The following PTH2R variants were observed in gnomAD, a reference collection of about 807,000 sequenced individuals.
The protein encoded by PTH2R is PTH2 receptor.
Under a neutral mutation model 60.3 loss-of-function variants are expected in PTH2R, and 59 were observed. That is an observed-to-expected ratio of 0.98 (90% CI 0.79 to 1.22). The LOEUF (loss-of-function observed/expected upper bound fraction) is 1.22, where lower values mean the gene tolerates loss of function less well. Ranked by LOEUF, PTH2R falls within the 50% of genes most tolerant of loss-of-function variation. The pLI is 0.00. For missense variants in PTH2R, 749 were observed against 682.6 expected, an observed-to-expected ratio of 1.10 and a Z score of -1.08; for synonymous variants, 256 against 243.8, an observed-to-expected ratio of 1.05 and a Z score of -0.47.
chr2:208,454,707 A>G (rs1032951474), intron 8 of PTH2R, among the ~76,000 whole-genome samples: 1 of 152,258 alleles, frequency 6.6e-6, no homozygotes, highest in Non-Finnish European at 1.5e-5. Flanking sequence ...GCTTTAACCT[A>G]TATATGCAGT....
chr2:208,422,658 T>G (rs901467941), intron 1 of PTH2R, among the ~76,000 whole-genome samples: 1 of 152,162 alleles, frequency 6.6e-6, no homozygotes, highest in African/African-American at 2.4e-5. Flanking sequence ...GAAGAATGCT[T>G]CTTTTTTTAA....
intron 9 of PTH2R, among the ~76,000 whole-genome samples, chr2:208,461,940 T>A (rs1469596798): frequency 6.6e-6 from 1 of 152,256 alleles, no homozygotes; most frequent in Non-Finnish European, 1.5e-5. Context: ...AGAAAATTAA[T>A]GTAGAAGGCC....
Position 208,443,538 on chromosome 2 carries a change from G to GT in PTH2R, c.699+2dup. 6.3e-7 allele frequency: 1 copy of GT among 1,592,454 alleles called. No homozygotes were observed. Among genetic ancestry groups the GT allele is most frequent in the Non-Finnish European group, 8.5e-7 (1 of 1,171,166 alleles). On this transcript the variant is annotated splice_donor_variant, in intron 6 of 12. Transcript: ENST00000272847. LOFTEE classifies it high-confidence loss of function. Reference sequence around the variant, plus strand: ...AACTTCTGTGGACAAATCACAATATGTAAGTGTTTTCACCATTTTCTCTCA... The same window carrying GT: ...AACTTCTGTGGACAAATCACAATATGTTAAGTGTTTTCACCATTTTCTCTCA...
At chr2:208,443,632 A>T in intron 6 of PTH2R, 95 bp downstream of exon 6, 1 of 1,088,870 alleles carries the variant, frequency 9.2e-7, no homozygotes, top group Non-Finnish European at 1.3e-6. Context: ...ACTTGCTTTT[A>T]CTTATCTCTG....
chr2:208,445,326 C>T (rs1559222587), intron 7 of PTH2R, among the ~76,000 whole-genome samples: 1 of 152,182 alleles, frequency 6.6e-6, no homozygotes, highest in South Asian at 2.1e-4. Context: ...GTAGGACCAT[C>T]CTGACTGTAT....
intron 1 of PTH2R, among the ~76,000 whole-genome samples, chr2:208,380,275 T>A (rs1476286806): frequency 6.6e-6 from 1 of 152,148 alleles, no homozygotes; most frequent in East Asian, 1.9e-4. Context: ...CAGCCCCAAG[T>A]GACAGGACAT....
intron 1 of PTH2R, among the ~76,000 whole-genome samples, chr2:208,373,840 G>GT (rs1700746195): frequency 6.6e-6 from 1 of 152,080 alleles, no homozygotes. Flanking sequence ...AGAATTTGTA[G>GT]TTTTGAGGTG....
chr2:208,391,698 G>A (rs1241891203), intron 1 of PTH2R, among the ~76,000 whole-genome samples: 1 of 152,144 alleles, frequency 6.6e-6, no homozygotes, highest in Non-Finnish European at 1.5e-5. Context: ...AATACTCTTA[G>A]TTGCTTGAGA....
intron 9 of PTH2R, among the ~76,000 whole-genome samples, chr2:208,480,164 C>A (rs1164349148): frequency 6.6e-6 from 1 of 152,204 alleles, no homozygotes; most frequent in Non-Finnish European, 1.5e-5. Flanking sequence ...AACCAAAATT[C>A]TCTAACTTCT....
chr2:208,380,706 G>C (rs12694111), intron 1 of PTH2R, among the ~76,000 whole-genome samples: 140,453 of 152,100 alleles, frequency 0.92, 65,559 homozygotes, highest in Non-Finnish European at 0.98. Flanking sequence ...TCTTTCTGCT[G>C]TCTTCACCCA....
chr2:208,491,044 A>G (rs1467544009), intron 12 of PTH2R, among the ~76,000 whole-genome samples: 2 of 152,144 alleles, frequency 1.3e-5, no homozygotes, highest in Non-Finnish European at 2.9e-5. Flanking sequence ...ATTCATTCAA[A>G]TATTTTGATG....
intron 6 of PTH2R, among the ~76,000 whole-genome samples, 154 bp from the exon 7 acceptor site, chr2:208,444,580 C>G (rs916517067): frequency 1.3e-5 from 2 of 152,036 alleles, no homozygotes; most frequent in African/African-American, 4.8e-5. Context: ...ATTAAAATAA[C>G]TGTTTTGGCC....
chr2:208,395,400 A>G (rs974672437), intron 1 of PTH2R, among the ~76,000 whole-genome samples: 2 of 152,114 alleles, frequency 1.3e-5, no homozygotes, highest in African/African-American at 4.8e-5. Context: ...TGAAAAAAAA[A>G]TGTGCCTCAT....
chr2:208,455,254 C>T (rs971028481), intron 8 of PTH2R, among the ~76,000 whole-genome samples: 1 of 152,140 alleles, frequency 6.6e-6, no homozygotes, highest in African/African-American at 2.4e-5. Context: ...TTAATGCTAT[C>T]ATGATCATAT....
chr2:208,456,581 T>G (rs991337558), intron 8 of PTH2R, among the ~76,000 whole-genome samples: 1 of 152,200 alleles, frequency 6.6e-6, no homozygotes, highest in Non-Finnish European at 1.5e-5. Context: ...TTACTGATTG[T>G]AAGTTGTGGA....
At chr2:208,368,571 C>T (rs1386736996) in intron 1 of PTH2R, among the ~76,000 whole-genome samples, 1 of 152,062 alleles carries the variant, frequency 6.6e-6, no homozygotes, top group Non-Finnish European at 1.5e-5. Flanking sequence ...CCAACACCTG[C>T]TTGTTCCAAT....
chr2:208,364,604 A>C (rs1700542549), intron 1 of PTH2R, among the ~76,000 whole-genome samples: 1 of 152,064 alleles, frequency 6.6e-6, no homozygotes, highest in African/African-American at 2.4e-5. Flanking sequence ...TCTTTATTCC[A>C]GTACCACACT....
At chr2:208,367,138 A>C (rs1700608218) in intron 1 of PTH2R, among the ~76,000 whole-genome samples, 1 of 151,816 alleles carries the variant, frequency 6.6e-6, no homozygotes, top group Admixed American at 6.6e-5. Context: ...TTGTTGCCCA[A>C]GTTGGAGTGC....
intron 1 of PTH2R, among the ~76,000 whole-genome samples, chr2:208,415,357 T>C (rs902995986): frequency 2.6e-5 from 4 of 152,334 alleles, no homozygotes; most frequent in Middle Eastern, 3.4e-3. Flanking sequence ...AAAATTTCAG[T>C]GTTCATAAAA....
Sources: gnomAD v4.1 joint callset for allele counts (sites outside exome capture counted in the v4.1 genomes callset) on GRCh38, gnomAD v4.1.1 for gene constraint, MANE v1.5 for transcripts, NCBI Gene and HGNC (gene_info 2026-07-23, HGNC 2026-07-21) for gene names.